Variants in SAP130 observed in about 807,000 individuals in gnomAD.
SAP130 encodes the protein Sin3A associated protein 130.
In SAP130, 16 loss-of-function variants were observed where a neutral mutation model predicts 103.2. That is an observed-to-expected ratio of 0.16 (90% confidence interval 0.10 to 0.24). The LOEUF (loss-of-function observed/expected upper bound fraction) is 0.24, where lower values mean the gene tolerates loss of function less well. Ranked by LOEUF, SAP130 falls within the 10% of genes least tolerant of loss-of-function variation. The pLI is 1.00. For synonymous variants in SAP130, 477 were observed against 497.0 expected (o/e 0.96, Z 0.53); for missense variants, 990 against 1,359.7 (o/e 0.73, Z 4.28).
Position 127,942,258 on chromosome 2 carries a change from G to A in SAP130, c.3016-94C>T. On this transcript the variant is annotated intron_variant, in intron 20 of 20. Transcript: ENST00000643581. This position sits in a 1 kb window ranked among gnomAD's most constrained non-coding sequence, Gnocchi z 4.8. ...GCCTTTGGGCAGAGGCCATGTTGAG[G>A]CTTCCACAACAGAGAAAATGTCTTT... The A allele has an allele frequency of 7.8e-7, 1 of 1,289,656 alleles. No individual in the cohort carries two copies. The highest frequency in any genetic ancestry group is 1.1e-6 in the Non-Finnish European group (1 of 924,404). 79.9% of individuals were successfully genotyped at this position (1,289,656 alleles called of 1,614,324 possible). A position where few individuals can be genotyped will look rare whatever the true frequency, so the allele number is the denominator to read the frequency against.
At position 127,957,456 on chromosome 2, in the gene SAP130, C is replaced by T. The variant is rs548755434; in HGVS notation, c.2064-2112G>A. The stretch of plus-strand genomic sequence containing the variant: ...TTGGGAGGCCATGGCAGGAAGATCG[C>T]TTGAGCCCAGGAATTTGACACCAGC... On this transcript the variant is annotated intron_variant, in intron 15 of 20. Transcript: ENST00000643581. 2.6e-5 allele frequency among the ~76,000 whole-genome samples: 4 copies of T among 152,312 alleles called. No individual in the cohort carries two copies. In the South Asian group the frequency reaches 8.3e-4, roughly 32 times the overall value.
intron 18 of SAP130, among the ~76,000 whole-genome samples, chr2:127,948,754 G>T (rs1043381897): frequency 3.3e-5 from 5 of 152,106 alleles, no homozygotes; most frequent in African/African-American, 1.2e-4. Context: ...GTGTAAAGGA[G>T]GTTAGTATGA....
Position 128,000,067 on chromosome 2 carries a change from G to A in SAP130, c.1097C>T (p.Ala366Val), listed in dbSNP as rs372935713. The A allele has an allele frequency of 1.4e-5, 23 of 1,613,890 alleles. No homozygotes were observed. The highest frequency in any genetic ancestry group is 5.3e-5 in the African/African-American group (4 of 74,896). The stretch of plus-strand genomic sequence containing the variant: ...GGTCGTGGACTTACCAGCTGTGGTC[G>A]CTGAAGGAATGGTGTTGGTTGCCAA... ...PILATNTIPS[A>V]TTAGSVSHTQ... Residue 366 changes from alanine to valine, a missense_variant, in exon 9 of 21, where the codon GCG (alanine) becomes GTG (valine). Around this residue, in one of 6 missense-constraint regions of SAP130, gnomAD observed 336 missense variants for 520.1 expected, o/e 0.65. Transcript: ENST00000643581.
At chr2:127,974,683 C>T (rs1681329473) in intron 15 of SAP130, among the ~76,000 whole-genome samples, 1 of 152,078 alleles carries the variant, frequency 6.6e-6, no homozygotes, top group Non-Finnish European at 1.5e-5. Context: ...CATGGTGGTG[C>T]ATGCCTGTAA....
At chr2:128,012,948 CCT>C (rs1684508652) in intron 6 of SAP130, 80 bp downstream of exon 6, 3 of 1,339,080 alleles carry the variant, frequency 2.2e-6, no homozygotes, top group African/African-American at 1.5e-5. Flanking sequence ...ATGGAAAGTC[CCT>C]GAGGTCAAGG....
chr2:127,958,280 G>A (rs760399673), intron 15 of SAP130, among the ~76,000 whole-genome samples: 5 of 152,226 alleles, frequency 3.3e-5, no homozygotes, highest in Admixed American at 6.5e-5. Flanking sequence ...GGGGCGCAGT[G>A]GCGAGCGCCT....
intron 7 of SAP130, among the ~76,000 whole-genome samples, chr2:128,010,034 T>C (rs1684271292): frequency 6.6e-6 from 1 of 152,118 alleles, no homozygotes; most frequent in African/African-American, 2.4e-5. Context: ...AAAGCACTTT[T>C]CACCATCTAA....
intron 1 of SAP130, chr2:128,027,027 C>A: frequency 7.6e-7 from 1 of 1,323,680 alleles, no homozygotes; most frequent in South Asian, 2.2e-5. Flanking sequence ...CCCCCGTCTC[C>A]GGGGTGGGGG....
At chr2:127,991,904 GGCTGCCATATAGCACCGT>G (rs1322034181) in intron 12 of SAP130, among the ~76,000 whole-genome samples, 1 of 152,198 alleles carries the variant, frequency 6.6e-6, no homozygotes, top group East Asian at 1.9e-4. Context: ...ACATGCCGCT[GGCTGCCATATAGCACCGT>G]GTGGCAGGAG....
At chr2:128,005,672 T>A (rs1683915679) in intron 7 of SAP130, among the ~76,000 whole-genome samples, 1 of 151,230 alleles carries the variant, frequency 6.6e-6, no homozygotes, top group Non-Finnish European at 1.5e-5. Flanking sequence ...TTTGAGACAG[T>A]GTCTCGCTCT....
At chr2:128,014,687 CTG>C (rs1360558277) in intron 5 of SAP130, 114 bp downstream of exon 5, 3 of 751,420 alleles carry the variant, frequency 4.0e-6, no homozygotes, top group African/African-American at 1.7e-5. Context: ...GTTCTGCAGA[CTG>C]TTGTTCTGCA....
intron 4 of SAP130, among the ~76,000 whole-genome samples, chr2:128,015,212 C>A (rs1056071621): frequency 1.3e-5 from 2 of 152,232 alleles, no homozygotes; most frequent in Non-Finnish European, 2.9e-5. Flanking sequence ...ACCTTTCACA[C>A]TTGTTTTCCC....
chr2:127,967,394 G>C (rs1444169398), intron 15 of SAP130, among the ~76,000 whole-genome samples: 1 of 152,140 alleles, frequency 6.6e-6, no homozygotes, highest in Non-Finnish European at 1.5e-5. Context: ...GACAAGAATA[G>C]CTGGAGATTT....
chr2:127,945,916 G>C (rs374512241), intron 18 of SAP130, among the ~76,000 whole-genome samples: 2 of 152,206 alleles, frequency 1.3e-5, no homozygotes, highest in African/African-American at 4.8e-5. Context: ...GCCTCCCAAA[G>C]TGTTGGGATT....
chr2:127,942,264 A>T lies in SAP130; in HGVS notation c.3016-100T>A. 8.4e-7 allele frequency: 1 copy of T among 1,195,058 alleles called. No homozygotes were observed. The highest frequency in any genetic ancestry group is 1.2e-6 in the Non-Finnish European group (1 of 836,988). The allele number at this position is 1,195,058 out of a possible 1,614,324, so 74.0% of individuals were successfully genotyped here. A position where few individuals can be genotyped will look rare whatever the true frequency, so the allele number is the denominator to read the frequency against. On this transcript the variant is annotated intron_variant, in intron 20 of 20. Transcript: ENST00000643581. The surrounding 1 kb of genome is among the most constrained non-coding windows in gnomAD (Gnocchi z 4.8). ...GGGCAGAGGCCATGTTGAGGCTTCC[A>T]CAACAGAGAAAATGTCTTTTTGTTT...
Position 128,004,501 on chromosome 2 carries a change from C to T in SAP130, c.870-4047G>A, listed in dbSNP as rs1434854088. 5.3e-5 allele frequency among the ~76,000 whole-genome samples: 8 copies of T among 151,774 alleles called. No homozygotes were observed. In the East Asian group the frequency reaches 1.5e-3, roughly 29 times the overall value. On this transcript the variant is annotated intron_variant, in intron 7 of 20. Transcript: ENST00000643581. ...CGATTACAGACATGAGCCACCCTGC[C>T]CAGCCTGAAGAGAGAATTTCTGGGG...
chr2:127,951,840 C>A (rs1679516357), intron 16 of SAP130, among the ~76,000 whole-genome samples: 1 of 152,190 alleles, frequency 6.6e-6, no homozygotes, highest in Admixed American at 6.5e-5. Context: ...CTCCCTCAAA[C>A]ACTCGATGCC....
chr2:127,998,702 A>C (rs1683339843), intron 10 of SAP130, among the ~76,000 whole-genome samples: 1 of 152,228 alleles, frequency 6.6e-6, no homozygotes, highest in Admixed American at 6.5e-5. Flanking sequence ...TCTCTTAGGA[A>C]GATAGAAGGA....
chr2:128,024,451 C>T (rs1685360822), intron 2 of SAP130, among the ~76,000 whole-genome samples: 1 of 152,204 alleles, frequency 6.6e-6, no homozygotes, highest in East Asian at 1.9e-4. Flanking sequence ...CAGTGACTCA[C>T]ACCTGTGATC....
Sources: gnomAD v4.1 joint callset for allele counts (sites outside exome capture counted in the v4.1 genomes callset) on GRCh38, gnomAD v4.1.1 for gene constraint, gnomAD v4.1.1 regional missense constraint, Gnocchi (gnomAD v3.1) non-coding constraint, MANE v1.5 for transcripts, NCBI Gene and HGNC (gene_info 2026-07-23, HGNC 2026-07-21) for gene names.